Variants in TDO2 observed in about 807,000 individuals in gnomAD.
TDO2 encodes tryptophan 2,3-dioxygenase.
In TDO2, 63 loss-of-function variants were observed where a neutral mutation model predicts 61.2. The ratio of observed to expected loss-of-function variants is 1.03; its 90% confidence interval spans 0.84 to 1.27. The LOEUF is 1.27. Among genes scored for constraint, TDO2 ranks in the 50% most tolerant of loss-of-function variants. The probability of loss-of-function intolerance (pLI) is 0.00; values close to 1 mark genes in which losing one functional copy is unlikely to be tolerated. For missense variants in TDO2, 494 were observed against 469.5 expected (o/e 1.05, Z -0.48); for synonymous variants, 183 against 164.0 (o/e 1.12, Z -0.89).
rs1159361005 is a variant in TDO2 at position 155,920,285 on chromosome 4, A to G, written c.*295A>G. 3.1e-6 allele frequency: 1 copy of G among 325,304 alleles called. No individual in the cohort carries two copies. Among genetic ancestry groups the G allele is most frequent in the East Asian group, 7.4e-5 (1 of 13,476 alleles). The allele number at this position is 325,304 out of a possible 1,614,324, so 20.2% of individuals were successfully genotyped here. A position where few individuals can be genotyped will look rare whatever the true frequency, so the allele number is the denominator to read the frequency against. The stretch of plus-strand genomic sequence containing the variant: ...AATGTAATCACTATCTCATTGTTTC[A>G]TCTTTATAAACTTGTAAACTTCATC... On this transcript the variant is annotated 3_prime_UTR_variant, in exon 12 of 12. Transcript: ENST00000536354.
intron 7 of TDO2, among the ~76,000 whole-genome samples, chr4:155,913,369 G>A (rs1742872463): frequency 6.6e-6 from 1 of 152,046 alleles, no homozygotes; most frequent in African/African-American, 2.4e-5. Context: ...TTATCACCAA[G>A]GAGTCCTTTT....
chr4:155,907,858 T>C, intron 4 of TDO2, 66 bp downstream of exon 4: 1 of 1,275,902 alleles, frequency 7.8e-7, no homozygotes, highest in South Asian at 1.3e-5. Flanking sequence ...GTATTATTAA[T>C]GAGAGAAAAA....
At chr4:155,916,992 AAAC>A (rs1742952543) in intron 9 of TDO2, among the ~76,000 whole-genome samples, 1 of 152,114 alleles carries the variant, frequency 6.6e-6, no homozygotes, top group Non-Finnish European at 1.5e-5. Context: ...AAAAAAAACA[AAAC>A]AAAAAAACAA....
rs1443860564 is a variant in TDO2, at chr4:155,904,102, T to TA, written c.121dup (p.Ile41AsnfsTer20). 1 of 1,613,996 alleles carries TA rather than the reference T, an allele frequency of 6.2e-7. No homozygotes were observed. Among genetic ancestry groups the TA allele is most frequent in the Non-Finnish European group, 8.5e-7 (1 of 1,179,956 alleles). On this transcript the variant is annotated frameshift_variant, in exon 2 of 12. Transcript: ENST00000536354. LOFTEE classifies it high-confidence loss of function. ...TGAATAGAGCCAGCAAAGGAGGTCT[T>TA]ATCTATGGGAACTACCTGCATGTAA...
Position 155,918,194 on chromosome 4 carries a change from G to T in TDO2, c.1022G>T (p.Gly341Val), listed in dbSNP as rs773891785. ...CACAGAATGCTGGGCAGCAAAGCTG[G>T]CACCGGTGGTTCCTCAGGCTATCAC... ...MVHRMLGSKAGTGGSSGYHYL... is the reference protein window; with the variant it reads ...MVHRMLGSKAVTGGSSGYHYL... The change falls in exon 11 of 12, where the codon GGC becomes GTC. Residue 341 changes from glycine (G) to valine (V), a missense_variant. By Grantham distance (109) the Gly-to-Val change is moderately radical. Transcript: ENST00000536354. 4.3e-6 allele frequency: 7 copies of T among 1,613,926 alleles called. No individual in the cohort carries two copies. The highest frequency in any genetic ancestry group is 4.2e-6 in the Non-Finnish European group (5 of 1,179,950).
At chr4:155,912,193 C>T (rs185099772) in intron 7 of TDO2, among the ~76,000 whole-genome samples, 1 of 152,260 alleles carries the variant, frequency 6.6e-6, no homozygotes, top group Non-Finnish European at 1.5e-5. Context: ...ACTTCCACTT[C>T]TTAAACAACT....
intron 9 of TDO2, among the ~76,000 whole-genome samples, chr4:155,916,981 CA>C (rs781693775): frequency 2.1e-3 from 306 of 147,064 alleles, no homozygotes; most frequent in African/African-American, 6.9e-3. Context: ...AAAACAACAA[CA>C]AAAAAAACAA....
Position 155,918,158 on chromosome 4 carries a change from T to C in TDO2, c.986T>C (p.Val329Ala), listed in dbSNP as rs112502675. 8.7e-6 allele frequency: 14 copies of C among 1,613,708 alleles called. No individual in the cohort carries two copies. Among genetic ancestry groups the C allele is most frequent in the South Asian group, 7.7e-5 (7 of 91,054 alleles). ...SLMTKWRYNH[V>A]CMVHRMLGSK... ...TTGTATGTTTGCCTAGATAACCATG[T>C]GTGCATGGTGCACAGAATGCTGGGC... Residue 329 changes from valine to alanine, a missense_variant, in exon 11 of 12, where the codon GTG becomes GCG. Coordinates refer to ENST00000536354, the MANE Select transcript of TDO2 (RefSeq NM_005651.4).
intron 5 of TDO2, among the ~76,000 whole-genome samples, chr4:155,909,240 C>CATCA (rs1742774560): frequency 6.6e-6 from 1 of 152,130 alleles, no homozygotes; most frequent in Non-Finnish European, 1.5e-5. Flanking sequence ...GATTTAAATT[C>CATCA]ATCACTGTGT....
chr4:155,919,315 C>T (rs1378999660), intron 11 of TDO2, among the ~76,000 whole-genome samples: 1 of 152,158 alleles, frequency 6.6e-6, no homozygotes, highest in African/African-American at 2.4e-5. Flanking sequence ...CATAAAACTG[C>T]AACAGTTAAA....
At chr4:155,911,427 T>C in intron 6 of TDO2, 70 bp from the exon 7 acceptor site, 3 of 1,161,484 alleles carry the variant, frequency 2.6e-6, no homozygotes, top group Non-Finnish European at 3.7e-6. Context: ...TTTAAGTTTA[T>C]ACATGTCGGT....
At chr4:155,916,576 T>C (rs1579331450) in intron 9 of TDO2, among the ~76,000 whole-genome samples, 1 of 152,034 alleles carries the variant, frequency 6.6e-6, no homozygotes, top group Non-Finnish European at 1.5e-5. Context: ...AAATAAAAAA[T>C]GCATGAAGTG....
intron 8 of TDO2, 126 bp from the exon 9 acceptor site, chr4:155,915,728 TA>T: frequency 1.5e-6 from 1 of 646,934 alleles, no homozygotes; most frequent in Non-Finnish European, 2.5e-6. Context: ...ATAAAAAATG[TA>T]AACTGAAACT....
intron 8 of TDO2, among the ~76,000 whole-genome samples, chr4:155,915,567 A>G (rs1482480660): frequency 1.3e-5 from 2 of 152,192 alleles, no homozygotes; most frequent in African/African-American, 4.8e-5. Context: ...TTTTATTATG[A>G]AAGTCAAGTG....
chr4:155,907,551 C>T, intron 3 of TDO2, 171 bp from the exon 4 acceptor site: 1 of 554,132 alleles, frequency 1.8e-6, no homozygotes, highest in Non-Finnish European at 3.2e-6. Context: ...GAGGCTATTA[C>T]AACTTTAACA....
At chr4:155,917,824 T>A (rs1241924481) in intron 10 of TDO2, among the ~76,000 whole-genome samples, 1 of 151,896 alleles carries the variant, frequency 6.6e-6, no homozygotes, top group East Asian at 1.9e-4. Context: ...ATTTTAATAG[T>A]TTTTTTATTT....
chr4:155,906,372 G>A (rs1249352851), intron 3 of TDO2: 1 of 152,062 alleles, frequency 6.6e-6, no homozygotes, highest in Non-Finnish European at 1.5e-5. Context: ...ATGTTTGATT[G>A]TTCTTTGCTC....
chr4:155,903,946 AATCACCC>A, intron 1 of TDO2, 65 bp from the exon 2 acceptor site: 1 of 1,487,910 alleles, frequency 6.7e-7, no homozygotes, highest in Non-Finnish European at 9.3e-7. Flanking sequence ...TGAGAATTTT[AATCACCC>A]ATATCATTAG....
chr4:155,919,845 A>G lies in TDO2; in HGVS notation c.1076A>G (p.Tyr359Cys). The G allele has an allele frequency of 6.2e-7, 1 of 1,612,986 alleles. No homozygotes were observed. The highest frequency in any genetic ancestry group is 8.5e-7 in the Non-Finnish European group (1 of 1,179,508). The change falls in exon 12 of 12, where the codon TAC (tyrosine) becomes TGC (cysteine). Residue 359 changes from tyrosine to cysteine, a missense_variant. By Grantham distance (194) the Tyr-to-Cys change is radical. Transcript: ENST00000536354. ...CATGTATGTTTTTCCAGTGATAGGT[A>G]CAAGGTATTTGTAGATTTATTTAAT... is the stretch of plus-strand genomic sequence containing the variant. Reference protein sequence around the residue: ...HYLRSTVSDRYKVFVDLFNLS... With the variant: ...HYLRSTVSDRCKVFVDLFNLS...
Sources: gnomAD v4.1 joint callset for allele counts (sites outside exome capture counted in the v4.1 genomes callset) on GRCh38, gnomAD v4.1.1 for gene constraint, MANE v1.5 for transcripts, NCBI Gene and HGNC (gene_info 2026-07-23, HGNC 2026-07-21) for gene names.